The following PTPRD variants were observed in gnomAD, a reference collection of about 807,000 sequenced individuals.
PTPRD encodes receptor-type tyrosine-protein phosphatase delta.
Under a neutral mutation model 214.5 loss-of-function variants are expected in PTPRD, and 34 were observed. The ratio of observed to expected loss-of-function variants is 0.16; its 90% confidence interval spans 0.12 to 0.21. The LOEUF (loss-of-function observed/expected upper bound fraction) is 0.21. PTPRD is among the 10% of genes least tolerant of loss of function. The probability of loss-of-function intolerance (pLI) is 1.00; values close to 1 mark genes in which losing one functional copy is unlikely to be tolerated. For missense variants in PTPRD, 2,545 were observed against 2,398.7 expected, an observed-to-expected ratio of 1.06 and a Z score of -1.27; for synonymous variants, 1,128 against 845.7, an observed-to-expected ratio of 1.33 and a Z score of -5.79.
intron 7 of PTPRD, among the ~76,000 whole-genome samples, chr9:9,685,043 T>A (rs1333299600): frequency 6.6e-6 from 1 of 151,530 alleles, no homozygotes; most frequent in East Asian, 1.9e-4. Context: ...TATCTATTTT[T>A]CAGCATAAAA....
At chr9:8,843,520 G>C (rs569913474) in intron 11 of PTPRD, among the ~76,000 whole-genome samples, 6 of 152,102 alleles carry the variant, frequency 3.9e-5, no homozygotes, top group Non-Finnish European at 8.8e-5. Context: ...GTCGGTGCTG[G>C]TTCTATATCA....
At chr9:8,829,781 C>G (rs2097252374) in intron 11 of PTPRD, among the ~76,000 whole-genome samples, 3 of 152,150 alleles carry the variant, frequency 2.0e-5, no homozygotes, top group South Asian at 4.1e-4. Flanking sequence ...GCTCAGTCTA[C>G]CACTAATAAC....
chr9:10,529,046 T>C (rs2055252618), intron 2 of PTPRD, among the ~76,000 whole-genome samples: 1 of 152,172 alleles, frequency 6.6e-6, no homozygotes. Context: ...TTCTTTTTTA[T>C]TTGTTCATGC....
intron 11 of PTPRD, among the ~76,000 whole-genome samples, chr9:8,759,398 G>C (rs1010900552): frequency 1.3e-5 from 2 of 151,880 alleles, no homozygotes; most frequent in African/African-American, 4.8e-5. Context: ...TCTTGGAGGA[G>C]GCAACTAATA....
chr9:10,189,827 G>C (rs909455259), intron 3 of PTPRD, among the ~76,000 whole-genome samples: 1 of 152,138 alleles, frequency 6.6e-6, no homozygotes, highest in Non-Finnish European at 1.5e-5. Flanking sequence ...GAAGGAGTAG[G>C]AGTTAGTTTG....
chr9:9,015,162 T>C (rs2099529417), intron 11 of PTPRD, among the ~76,000 whole-genome samples: 1 of 152,164 alleles, frequency 6.6e-6, no homozygotes, highest in South Asian at 2.1e-4. Context: ...GTCAGAGGCA[T>C]TTAAACCAGA....
intron 4 of PTPRD, among the ~76,000 whole-genome samples, chr9:9,968,682 A>G (rs1003549113): frequency 1.5e-4 from 23 of 152,136 alleles, no homozygotes; most frequent in African/African-American, 5.6e-4. Context: ...GGATTCCCAA[A>G]AAGAAAAATT....
intron 2 of PTPRD, among the ~76,000 whole-genome samples, chr9:10,453,729 A>G (rs985698960): frequency 6.6e-6 from 1 of 151,626 alleles, no homozygotes; most frequent in Non-Finnish European, 1.5e-5. Context: ...TCTACACAAG[A>G]TTATGTCATT....
At chr9:9,150,215 T>C (rs2099875467) in intron 10 of PTPRD, among the ~76,000 whole-genome samples, 1 of 152,072 alleles carries the variant, frequency 6.6e-6, no homozygotes, top group Non-Finnish European at 1.5e-5. Context: ...CAGAGGGTGA[T>C]ATTAGTGTTC....
chr9:10,463,017 A>T (rs2098969661), intron 2 of PTPRD, among the ~76,000 whole-genome samples: 1 of 150,908 alleles, frequency 6.6e-6, no homozygotes, highest in African/African-American at 2.4e-5. Context: ...TTTGAGTAAT[A>T]GTCATTATCT....
intron 9 of PTPRD, among the ~76,000 whole-genome samples, chr9:9,265,833 T>A (rs919307304): frequency 6.6e-6 from 1 of 151,184 alleles, no homozygotes; most frequent in Admixed American, 6.6e-5. Flanking sequence ...AAAGGACTGA[T>A]AAAACAACCA....
At chr9:8,727,198 A>G (rs1397167879) in intron 12 of PTPRD, among the ~76,000 whole-genome samples, 4 of 152,220 alleles carry the variant, frequency 2.6e-5, no homozygotes, top group Admixed American at 2.6e-4. Flanking sequence ...GAGATAACAA[A>G]CAGGTCACAC....
At chr9:9,568,284 T>C (rs775433860) in intron 8 of PTPRD, among the ~76,000 whole-genome samples, 24 of 151,896 alleles carry the variant, frequency 1.6e-4, no homozygotes, top group Non-Finnish European at 3.2e-4. Context: ...TCCTTCTTGT[T>C]TTGTAGTAGA....
chr9:10,274,527 C>G (rs2094576714), intron 3 of PTPRD, among the ~76,000 whole-genome samples: 1 of 152,142 alleles, frequency 6.6e-6, no homozygotes, highest in South Asian at 2.1e-4. Flanking sequence ...AATTAGAAGA[C>G]AAGTATGGCT....
chr9:9,451,355 A>G (rs1195327027), intron 8 of PTPRD, among the ~76,000 whole-genome samples: 1 of 149,378 alleles, frequency 6.7e-6, no homozygotes, highest in Admixed American at 6.7e-5. Context: ...TAAATAATTC[A>G]AAATTAAAAC....
intron 12 of PTPRD, among the ~76,000 whole-genome samples, chr9:8,731,309 G>C (rs777366533): frequency 6.6e-6 from 1 of 151,880 alleles, no homozygotes; most frequent in Non-Finnish European, 1.5e-5. Context: ...ACAAACATTT[G>C]AAAAAATTAT....
At chr9:8,425,363 A>G (rs1371984597) in intron 35 of PTPRD, among the ~76,000 whole-genome samples, 1 of 152,128 alleles carries the variant, frequency 6.6e-6, no homozygotes, top group African/African-American at 2.4e-5. Flanking sequence ...TTTTGAAATC[A>G]CTTGGTTGCA....
chr9:10,137,580 C>T (rs1466582709), intron 3 of PTPRD, among the ~76,000 whole-genome samples: 4 of 87,696 alleles, frequency 4.6e-5, no homozygotes, highest in Non-Finnish European at 8.5e-5. Context: ...AGGGATAGCA[C>T]TGGGAGATAT....
intron 30 of PTPRD, among the ~76,000 whole-genome samples, chr9:8,476,837 T>C (rs1014658604): frequency 2.6e-5 from 4 of 152,184 alleles, no homozygotes; most frequent in African/African-American, 9.7e-5. Flanking sequence ...TCAAAAATAT[T>C]TGGCGGTTCT....
Sources: gnomAD v4.1 joint callset for allele counts (sites outside exome capture counted in the v4.1 genomes callset) on GRCh38, gnomAD v4.1.1 for gene constraint, MANE v1.5 for transcripts, NCBI Gene and HGNC (gene_info 2026-07-23, HGNC 2026-07-21) for gene names.